FMNL2: variants seen among roughly 807,000 people sequenced by gnomAD.
The protein encoded by FMNL2 is formin-like protein 2.
A neutral mutation model predicts 130.2 loss-of-function variants in FMNL2; 51 were observed. That is an observed-to-expected ratio of 0.39 (90% CI 0.31 to 0.49). The LOEUF is 0.49. Ranked by LOEUF, FMNL2 falls within the 20% of genes least tolerant of loss-of-function variation. FMNL2 has a pLI of 0.85. For missense variants in FMNL2, 977 were observed against 1,316.2 expected, an observed-to-expected ratio of 0.74 and a Z score of 3.99; for synonymous variants, 465 against 467.1, an observed-to-expected ratio of 1.00 and a Z score of 0.06.
At chr2:152,460,161 G>T (rs1051846308) in intron 1 of FMNL2, among the ~76,000 whole-genome samples, 3 of 152,124 alleles carry the variant, frequency 2.0e-5, no homozygotes, top group Admixed American at 6.5e-5. Context: ...TACGTAGTGG[G>T]CATATTATGT....
At chr2:152,383,273 C>CTTTTTTTTTTTTTTTTTTTT (rs35206829) in intron 1 of FMNL2, among the ~76,000 whole-genome samples, 1 of 97,600 alleles carries the variant, frequency 1.0e-5, no homozygotes, top group African/African-American at 3.8e-5. Flanking sequence ...TCCGTTAATC[C>CTTTTTTTTTTTTTTTTTTTT]TTTTTTTTTT....
intron 1 of FMNL2, among the ~76,000 whole-genome samples, chr2:152,415,381 T>C (rs902715176): frequency 6.6e-6 from 1 of 152,222 alleles, no homozygotes; most frequent in Non-Finnish European, 1.5e-5. Context: ...CTCTTCAGCC[T>C]TATCTGTACA....
chr2:152,566,919 C>T (rs544759073), intron 6 of FMNL2, among the ~76,000 whole-genome samples: 26 of 152,164 alleles, frequency 1.7e-4, no homozygotes, highest in Middle Eastern at 6.8e-3. Flanking sequence ...GTGATCTGAG[C>T]GGAGGTTCAG....
intron 6 of FMNL2, among the ~76,000 whole-genome samples, chr2:152,563,895 C>T (rs1464444475): frequency 6.6e-6 from 1 of 152,118 alleles, no homozygotes; most frequent in Admixed American, 6.5e-5. Context: ...CTTCAGTTTA[C>T]ATACTGATGA....
At chr2:152,433,413 AAAGTGGACAAAGG>A (rs1687597646) in intron 1 of FMNL2, among the ~76,000 whole-genome samples, 1 of 152,220 alleles carries the variant, frequency 6.6e-6, no homozygotes, top group South Asian at 2.1e-4. Context: ...AGAAGACTTA[AAAGTGGACAAAGG>A]AAGTTGGCAT....
intron 1 of FMNL2, among the ~76,000 whole-genome samples, chr2:152,363,384 TGAGGATGACTGAATTCTATTTTCGTTTG>T (rs1683293986): frequency 2.0e-5 from 3 of 152,222 alleles, no homozygotes; most frequent in Non-Finnish European, 4.4e-5. Context: ...TCCCAATGTA[TGAGGATGACTGAATTCTATTTTCGTTTG>T]GAGTTTCCTT....
chr2:152,640,741 A>G lies in FMNL2; in HGVS notation c.3046-50A>G, dbSNP rs1683012451. 2.5e-6 allele frequency: 4 copies of G among 1,577,088 alleles called. No individual in the cohort carries two copies. In the East Asian group the frequency reaches 9.0e-5, roughly 36 times the overall value. On this transcript the variant is annotated intron_variant, in intron 24 of 25. Coordinates refer to ENST00000288670, the MANE Select transcript of FMNL2 (RefSeq NM_052905.4). ...TCAGGCACATTTTGGATTTTCACAA[A>G]CTCCTAATGGGTGCTGGCCTCACTA...
chr2:152,416,875 G>T (rs1239579206), intron 1 of FMNL2, among the ~76,000 whole-genome samples: 1 of 152,194 alleles, frequency 6.6e-6, no homozygotes, highest in Non-Finnish European at 1.5e-5. Context: ...TGTGTCTCAG[G>T]TAATTAATTA....
chr2:152,351,755 A>G (rs374851532), intron 1 of FMNL2, among the ~76,000 whole-genome samples: 2 of 152,340 alleles, frequency 1.3e-5, no homozygotes, highest in East Asian at 1.9e-4. Flanking sequence ...TTCTGGTTCT[A>G]GATCCTGGAG....
intron 1 of FMNL2, among the ~76,000 whole-genome samples, chr2:152,443,426 T>C (rs533707061): frequency 6.6e-6 from 1 of 152,132 alleles, no homozygotes; most frequent in African/African-American, 2.4e-5. Flanking sequence ...TGGGACAGAA[T>C]GCAAAGGGTC....
intron 1 of FMNL2, among the ~76,000 whole-genome samples, chr2:152,457,212 A>G (rs1689007349): frequency 6.6e-6 from 1 of 152,174 alleles, no homozygotes; most frequent in Non-Finnish European, 1.5e-5. Flanking sequence ...TTGAGAAATT[A>G]AGATTTGTTT....
At chr2:152,640,530 A>G (rs1022426921) in intron 24 of FMNL2, among the ~76,000 whole-genome samples, 1 of 152,212 alleles carries the variant, frequency 6.6e-6, no homozygotes, top group Non-Finnish European at 1.5e-5. Flanking sequence ...TAAGACATCT[A>G]TGGTCATTAC....
chr2:152,539,688 T>TACATGTAATA (rs1694195420), intron 2 of FMNL2, among the ~76,000 whole-genome samples: 2 of 152,192 alleles, frequency 1.3e-5, no homozygotes, highest in Non-Finnish European at 2.9e-5. Flanking sequence ...TTTCAAGTCC[T>TACATGTAATA]AAGGAAATAT....
intron 22 of FMNL2, among the ~76,000 whole-genome samples, chr2:152,637,361 G>A (rs1450610982): frequency 2.6e-5 from 4 of 152,172 alleles, no homozygotes; most frequent in East Asian, 1.9e-4. Context: ...GAATTCCTGT[G>A]CCCCACTATT....
chr2:152,481,925 C>T (rs1381982611), intron 1 of FMNL2, among the ~76,000 whole-genome samples: 1 of 152,172 alleles, frequency 6.6e-6, no homozygotes, highest in Non-Finnish European at 1.5e-5. Flanking sequence ...TTAGGTAGTA[C>T]TCAAAGTTGC....
chr2:152,426,597 G>A lies in FMNL2; in HGVS notation c.117+90877G>A, dbSNP rs538535915. On this transcript the variant is annotated intron_variant, in intron 1 of 25. Coordinates refer to ENST00000288670, the MANE Select transcript of FMNL2 (RefSeq NM_052905.4). ...ATCATCAGTGCAGACACAGTGGTTC[G>A]ACTTCATTAGTCAGAGGTGGGGCCC... Among the ~76,000 whole-genome samples the A allele has an allele frequency of 2.6e-5, 4 of 152,174 alleles. No individual in the cohort carries two copies. The East Asian group carries it at 7.7e-4, about 29-fold the overall frequency.
chr2:152,605,166 G>A (rs376354610), intron 9 of FMNL2, among the ~76,000 whole-genome samples: 15 of 152,086 alleles, frequency 9.9e-5, no homozygotes, highest in African/African-American at 3.6e-4. Context: ...TAAATCTCTG[G>A]TTGTCAGCCA....
At chr2:152,401,478 T>C (rs758122749) in intron 1 of FMNL2, among the ~76,000 whole-genome samples, 2 of 152,180 alleles carry the variant, frequency 1.3e-5, no homozygotes, top group African/African-American at 2.4e-5. Context: ...CCACCTGTCA[T>C]TTATGCTTGA....
rs543104554 is a variant in FMNL2 at position 152,551,505 on chromosome 2, C to A, written c.359+2408C>A. On this transcript the variant is annotated intron_variant, in intron 4 of 25. Coordinates refer to ENST00000288670, the MANE Select transcript of FMNL2 (RefSeq NM_052905.4). Reference sequence around the variant, plus strand: ...ACTTACGTGAAGTAAAACCACACAACCAGATTGTGACCATCTTGCCTGTTC... The same window carrying A: ...ACTTACGTGAAGTAAAACCACACAAACAGATTGTGACCATCTTGCCTGTTC... Among the ~76,000 whole-genome samples, 15 of 152,308 alleles carry A rather than the reference C, an allele frequency of 9.8e-5. No homozygotes were observed. The South Asian group carries it at 1.9e-3, about 19-fold the overall frequency.
Sources: allele counts gnomAD v4.1 joint callset (sites outside exome capture counted in the v4.1 genomes callset), GRCh38; gene constraint gnomAD v4.1.1; transcripts MANE v1.5; gene names NCBI Gene and HGNC (gene_info 2026-07-23, HGNC 2026-07-21).